DNM3: variants seen among roughly 807,000 people sequenced by gnomAD.
DNM3 encodes the protein dynamin 3.
In DNM3, 47 loss-of-function variants were observed where a neutral mutation model predicts 101.6. The ratio of observed to expected loss-of-function variants is 0.46; its 90% CI spans 0.37 to 0.59. The LOEUF (loss-of-function observed/expected upper bound fraction) is 0.59. Among genes scored for constraint, DNM3 ranks in the 20% least tolerant of loss-of-function variants. DNM3 has a pLI of 0.00. For synonymous variants in DNM3, 385 were observed against 387.9 expected, an observed-to-expected ratio of 0.99 and a Z score of 0.09; for missense variants, 849 against 1,085.7, an observed-to-expected ratio of 0.78 and a Z score of 3.06.
At chr1:171,853,357 G>A (rs2033202250) in intron 1 of DNM3, among the ~76,000 whole-genome samples, 1 of 151,990 alleles carries the variant, frequency 6.6e-6, no homozygotes, top group South Asian at 2.1e-4. Flanking sequence ...TGTAGACACA[G>A]GGTCTCCCTA....
chr1:172,243,538 T>C lies in DNM3; in HGVS notation c.1660-10035T>C, dbSNP rs143950946. On this transcript the variant is annotated intron_variant, in intron 14 of 20. Transcript: ENST00000627582. The stretch of plus-strand genomic sequence containing the variant: ...GGGTAATGTCAAGTGTGACTGGTTA[T>C]CTTTCTCCTGCCAAGTGGAGATATC... Among the ~76,000 whole-genome samples the C allele has an allele frequency of 3.5e-3, 534 of 152,254 alleles. 3 individuals are homozygous for C. The highest frequency in any genetic ancestry group is 0.012 in the African/African-American group (486 of 41,568).
chr1:171,987,573 T>A, intron 2 of DNM3, 83 bp from the exon 3 acceptor site: 1 of 1,368,450 alleles, frequency 7.3e-7, no homozygotes, highest in Non-Finnish European at 9.8e-7. Context: ...ATTGGATACT[T>A]TGACTTATAA....
chr1:172,074,402 G>T lies in DNM3; in HGVS notation c.1422+5497G>T, dbSNP rs147321573. On this transcript the variant is annotated intron_variant, in intron 11 of 20. Transcript: ENST00000627582. ...ACATAGGTATGCACGCGCCATGGTG[G>T]TTTGCTGCACCTATCAACCTGTTGT... is the stretch of plus-strand genomic sequence containing the variant. Among the ~76,000 whole-genome samples, 471 of 152,164 alleles carry T rather than the reference G, an allele frequency of 3.1e-3. 25 individuals are homozygous for T. The East Asian group carries it at 0.083, about 27-fold the overall frequency.
At chr1:172,361,370 T>C (rs1250132836) in intron 17 of DNM3, among the ~76,000 whole-genome samples, 1 of 152,000 alleles carries the variant, frequency 6.6e-6, no homozygotes, top group East Asian at 1.9e-4. Flanking sequence ...ATAGATACTT[T>C]CTTTTACGCT....
intron 1 of DNM3, among the ~76,000 whole-genome samples, chr1:171,919,968 T>G (rs1367474704): frequency 2.0e-5 from 3 of 152,188 alleles, no homozygotes; most frequent in African/African-American, 7.2e-5. Context: ...ATAATGGTAT[T>G]TCAGTCGCAT....
intron 10 of DNM3, among the ~76,000 whole-genome samples, chr1:172,062,682 A>T (rs967179363): frequency 6.6e-6 from 1 of 152,060 alleles, no homozygotes; most frequent in Admixed American, 6.5e-5. Flanking sequence ...ACCTTCTTTG[A>T]CTTCTCATAT....
At chr1:171,892,773 G>A (rs1350036599) in intron 1 of DNM3, among the ~76,000 whole-genome samples, 1 of 152,208 alleles carries the variant, frequency 6.6e-6, no homozygotes, top group East Asian at 1.9e-4. Context: ...CTGGCAGGGA[G>A]TGTTTTGGGA....
chr1:171,962,545 G>A (rs1423154237), intron 2 of DNM3, among the ~76,000 whole-genome samples: 21 of 152,098 alleles, frequency 1.4e-4, no homozygotes, highest in Admixed American at 1.4e-3. Context: ...TGGAGATTAA[G>A]ATGCTAGCTG....
intron 14 of DNM3, among the ~76,000 whole-genome samples, chr1:172,203,697 A>G (rs1193976638): frequency 8.0e-6 from 1 of 124,312 alleles, no homozygotes; most frequent in African/African-American, 3.5e-5. Context: ...AAATTACTCT[A>G]TGTGTTAAAA....
At chr1:171,985,674 A>T (rs2045198510) in intron 2 of DNM3, among the ~76,000 whole-genome samples, 1 of 152,366 alleles carries the variant, frequency 6.6e-6, no homozygotes, top group South Asian at 2.1e-4. Flanking sequence ...GTCAGGAAAG[A>T]CAGAAATTAA....
intron 17 of DNM3, among the ~76,000 whole-genome samples, chr1:172,337,866 T>TTTTATTTTTATTTTA (rs2066501774): frequency 2.0e-4 from 23 of 113,156 alleles, no homozygotes; most frequent in African/African-American, 3.9e-4. Context: ...TTTTATTTTA[T>TTTTATTTTTATTTTA]TTTTATTTTA....
intron 4 of DNM3, among the ~76,000 whole-genome samples, chr1:172,015,610 A>G (rs2047399425): frequency 6.6e-6 from 1 of 152,076 alleles, no homozygotes; most frequent in African/African-American, 2.4e-5. Context: ...ACTTTTATAT[A>G]TTAACCTTGT....
intron 17 of DNM3, among the ~76,000 whole-genome samples, chr1:172,373,290 A>G (rs2068441015): frequency 2.0e-5 from 3 of 152,140 alleles, no homozygotes; most frequent in Admixed American, 1.3e-4. Flanking sequence ...GATCCCAGTC[A>G]TAAAAGTCAT....
chr1:171,846,074 A>G (rs1001397158), intron 1 of DNM3, among the ~76,000 whole-genome samples: 2 of 152,218 alleles, frequency 1.3e-5, no homozygotes, highest in African/African-American at 4.8e-5. Context: ...TACAATTAAA[A>G]TGTCATAATT....
At chr1:172,083,378 C>A (rs1373826649) in intron 12 of DNM3, among the ~76,000 whole-genome samples, 1 of 152,188 alleles carries the variant, frequency 6.6e-6, no homozygotes, top group Non-Finnish European at 1.5e-5. Flanking sequence ...TAAACTGACA[C>A]ATTCTTCATT....
intron 14 of DNM3, among the ~76,000 whole-genome samples, chr1:172,205,708 G>T (rs1181092919): frequency 1.3e-5 from 2 of 152,234 alleles, no homozygotes; most frequent in Non-Finnish European, 2.9e-5. Context: ...TGTTTTGGTT[G>T]AATGATATGA....
chr1:172,008,647 G>A (rs1001097587), intron 4 of DNM3, among the ~76,000 whole-genome samples: 1 of 148,940 alleles, frequency 6.7e-6, no homozygotes. Context: ...ATATGGATAT[G>A]TAATTACTCC....
chr1:172,289,557 T>G, intron 15 of DNM3: 1 of 939,444 alleles, frequency 1.1e-6, no homozygotes, highest in East Asian at 1.2e-4. Context: ...ATAACATATT[T>G]GGTTCTCCAC....
chr1:172,225,220 C>A (rs1201290366), intron 14 of DNM3, among the ~76,000 whole-genome samples: 1 of 131,670 alleles, frequency 7.6e-6, no homozygotes, highest in Admixed American at 8.6e-5. Flanking sequence ...CTCACTGCAA[C>A]TTCTGTCTCC....
Sources: allele counts gnomAD v4.1 joint callset (sites outside exome capture counted in the v4.1 genomes callset), GRCh38; gene constraint gnomAD v4.1.1; transcripts MANE v1.5; gene names NCBI Gene and HGNC (gene_info 2026-07-23, HGNC 2026-07-21).